The following KCNQ1OT1 variants were observed in gnomAD, a reference collection of about 807,000 sequenced individuals.
KCNQ1OT1 encodes the protein KCNQ1 opposite strand/antisense transcript 1, also known as KCNQ1 antisense RNA 2 (non-protein coding).
chr11:2,699,128 C>T (rs1209880776), exon 1 of KCNQ1OT1: 1 of 398,664 alleles, frequency 2.5e-6, no homozygotes, highest in Non-Finnish European at 4.4e-6. Flanking sequence ...ATGCGGATTC[C>T]AGACTCCAAT....
At chr11:2,650,589 A>G (rs1401860807) in exon 1 of KCNQ1OT1, 1 of 398,666 alleles carries the variant, frequency 2.5e-6, no homozygotes. Context: ...TGTGAAGGCA[A>G]GAAGGCTCCT....
In KCNQ1OT1 at chr11:2,682,475, CGAGTGAGTGAGT is replaced by C. The variant is rs3831584; in HGVS notation, n.17508_17519del. 13 of 393,984 alleles carry C rather than the reference CGAGTGAGTGAGT, an allele frequency of 3.3e-5. No homozygotes were observed. The highest frequency in any genetic ancestry group is 4.9e-5 in the Non-Finnish European group (11 of 224,528). 24.4% of individuals were successfully genotyped at this position (393,984 alleles called of 1,614,324 possible). On this transcript the variant is annotated non_coding_transcript_exon_variant, in exon 1 of 1. Transcript: ENST00000597346. The surrounding 1 kb of genome is among the most constrained non-coding windows in gnomAD (Gnocchi z 5.8). ...TCACGGACCCTCAGTGAATGTTTGA[CGAGTGAGTGAGT>C]GAGTGAGTGAGTGAGTGAGTACTTG... is the stretch of plus-strand genomic sequence containing the variant.
chr11:2,642,945 T>C lies in KCNQ1OT1; in HGVS notation n.57050A>G, dbSNP rs1849602905. 7.5e-6 allele frequency: 3 copies of C among 398,048 alleles called. No homozygotes were observed. The highest frequency in any genetic ancestry group is 7.2e-5 in the East Asian group (2 of 27,942). The allele number at this position is 398,048 out of a possible 1,614,324, so 24.7% of individuals were successfully genotyped here. ...CATTGGTCATTCAGGAACATGTTAA[T>C]TTCCATTTATTTATACAGTTTTGAA... On this transcript the variant is annotated non_coding_transcript_exon_variant, in exon 1 of 1. Transcript: ENST00000597346. The surrounding 1 kb of genome is among the most constrained non-coding windows in gnomAD (Gnocchi z 4.3).
chr11:2,641,236 A>G (rs2133829758), exon 1 of KCNQ1OT1: 1 of 398,440 alleles, frequency 2.5e-6, no homozygotes, highest in Non-Finnish European at 4.4e-6. Context: ...TTTTTCAGAA[A>G]TCAAACTGTT....
chr11:2,616,758 A>G (rs10766217), exon 1 of KCNQ1OT1: 219,217 of 397,842 alleles, frequency 0.55, 61,756 homozygotes, highest in East Asian at 0.75. Flanking sequence ...GATATTTTGT[A>G]TGATTTCTAT....
At chr11:2,686,304 C>T (rs1021567700) in exon 1 of KCNQ1OT1, 1 of 398,648 alleles carries the variant, frequency 2.5e-6, no homozygotes, top group African/African-American at 2.1e-5. Flanking sequence ...CCACAGACCA[C>T]ACTAGTGTCA....
chr11:2,628,693 T>C (rs1050603156), exon 1 of KCNQ1OT1: 12 of 398,308 alleles, frequency 3.0e-5, no homozygotes, highest in African/African-American at 2.5e-4. Context: ...TGATGTCACA[T>C]CTAAAAAATT....
exon 1 of KCNQ1OT1, chr11:2,638,366 C>T (rs1462908875): frequency 6.6e-6 from 1 of 152,100 alleles, no homozygotes; most frequent in African/African-American, 2.4e-5. Context: ...GTAGGGCAGG[C>T]CTGGTGGTTA....
exon 1 of KCNQ1OT1, chr11:2,648,530 C>T (rs1849702432): frequency 5.0e-6 from 2 of 398,358 alleles, no homozygotes; most frequent in Admixed American, 8.8e-5. Context: ...TTCATAGACA[C>T]AGTGGTCATT....
exon 1 of KCNQ1OT1, chr11:2,638,933 G>C (rs1849524546): frequency 6.6e-6 from 1 of 151,978 alleles, no homozygotes; most frequent in Non-Finnish European, 1.5e-5. Context: ...TTTTTTCTCT[G>C]AACTTCTCTT....
At chr11:2,619,729 A>C (rs1849132852) in exon 1 of KCNQ1OT1, 1 of 396,226 alleles carries the variant, frequency 2.5e-6, no homozygotes, top group Non-Finnish European at 4.4e-6. Context: ...TTTTTTTGGA[A>C]GTATTCCCTA....
exon 1 of KCNQ1OT1, chr11:2,692,741 C>A (rs529443506): frequency 5.0e-6 from 2 of 398,662 alleles, no homozygotes; most frequent in African/African-American, 4.1e-5. Flanking sequence ...CCTATCAAAT[C>A]CCTCCCTCTG....
At position 2,695,378 on chromosome 11, in the gene KCNQ1OT1, G is replaced by A. The variant is rs970627945; in HGVS notation, n.4617C>T. 2 of 398,370 alleles carry A rather than the reference G, an allele frequency of 5.0e-6. No homozygotes were observed. Among genetic ancestry groups the A allele is most frequent in the Non-Finnish European group, 8.8e-6 (2 of 226,064 alleles). 24.7% of individuals were successfully genotyped at this position (398,370 alleles called of 1,614,324 possible). A position where few individuals can be genotyped will look rare whatever the true frequency, so the allele number is the denominator to read the frequency against. ...AGCACTCCCTAGTACTGCGTGTCTG[G>A]GTGGTGTGTAATTTTAATTTAAATA... On this transcript the variant is annotated non_coding_transcript_exon_variant, in exon 1 of 1. Coordinates refer to ENST00000597346, the Ensembl canonical transcript of KCNQ1OT1. This position sits in a 1 kb window ranked among gnomAD's most constrained non-coding sequence, Gnocchi z 5.2.
At position 2,642,003 on chromosome 11, in the gene KCNQ1OT1, A is replaced by G. The variant is rs187059749; in HGVS notation, n.57992T>C. Reference sequence around the variant, plus strand: ...CATTGGTCTATCAGTTTTTATTCCAATACCATGCTGCTTTTAATGCTATAG... The same window carrying G: ...CATTGGTCTATCAGTTTTTATTCCAGTACCATGCTGCTTTTAATGCTATAG... On this transcript the variant is annotated non_coding_transcript_exon_variant, in exon 1 of 1. Transcript: ENST00000597346. This position sits in a 1 kb window ranked among gnomAD's most constrained non-coding sequence, Gnocchi z 4.3. 521 of 398,348 alleles carry G rather than the reference A, an allele frequency of 1.3e-3. 3 individuals are homozygous for G. The highest frequency in any genetic ancestry group is 2.2e-3 in the Admixed American group (49 of 22,726). 24.7% of individuals were successfully genotyped at this position (398,348 alleles called of 1,614,324 possible).
rs180765683 is a variant in KCNQ1OT1, at chr11:2,632,138, G to A, written n.67857C>T. On this transcript the variant is annotated non_coding_transcript_exon_variant, in exon 1 of 1. Coordinates refer to ENST00000597346, the Ensembl canonical transcript of KCNQ1OT1. ...GCAGAGCTTGCAGTGAGCCGAGATC[G>A]CGCCACTACACTCTAGCCTGGGCGA... 2,617 of 387,734 alleles carry A rather than the reference G, an allele frequency of 6.7e-3. 22 individuals carry two copies. The highest frequency in any genetic ancestry group is 0.016 in the Middle Eastern group (25 of 1,530). 24.0% of individuals were successfully genotyped at this position (387,734 alleles called of 1,614,324 possible).
At position 2,621,305 on chromosome 11, in the gene KCNQ1OT1, G is replaced by A. The variant is rs549080271; in HGVS notation, n.78690C>T. On this transcript the variant is annotated non_coding_transcript_exon_variant, in exon 1 of 1. Transcript: ENST00000597346. This position sits in a 1 kb window ranked among gnomAD's most constrained non-coding sequence, Gnocchi z 5.7. ...ATTATTTGCATTTCTGATTATTAGT[G>A]ATCATGAGAATGTTTTTTTGTTTGG... The A allele has an allele frequency of 2.5e-6, 1 of 398,416 alleles. No homozygotes were observed. Among genetic ancestry groups the A allele is most frequent in the African/African-American group, 2.1e-5 (1 of 48,708 alleles). 24.7% of individuals were successfully genotyped at this position (398,416 alleles called of 1,614,324 possible). A position where few individuals can be genotyped will look rare whatever the true frequency, so the allele number is the denominator to read the frequency against.
Position 2,653,140 on chromosome 11 carries a change from G to A in KCNQ1OT1, n.46855C>T. 1 of 398,744 alleles carries A rather than the reference G, an allele frequency of 2.5e-6. No individual in the cohort carries two copies. Among genetic ancestry groups the A allele is most frequent in the Non-Finnish European group, 4.4e-6 (1 of 226,120 alleles). 24.7% of individuals were successfully genotyped at this position (398,744 alleles called of 1,614,324 possible). A position where few individuals can be genotyped will look rare whatever the true frequency, so the allele number is the denominator to read the frequency against. The stretch of plus-strand genomic sequence containing the variant: ...GGAGATGAGGACTTGCATCACAGCA[G>A]TAGAAAGCCAATGTCCCACCTTAGG... On this transcript the variant is annotated non_coding_transcript_exon_variant, in exon 1 of 1. Transcript: ENST00000597346. The surrounding 1 kb of genome is among the most constrained non-coding windows in gnomAD (Gnocchi z 5.3).
At position 2,687,322 on chromosome 11, in the gene KCNQ1OT1, AG is replaced by A; in HGVS notation, n.12672del. 5.0e-6 allele frequency: 2 copies of A among 398,618 alleles called. No individual in the cohort carries two copies. Among genetic ancestry groups the A allele is most frequent in the East Asian group, 7.1e-5 (2 of 28,066 alleles). The allele number at this position is 398,618 out of a possible 1,614,324, so 24.7% of individuals were successfully genotyped here. On this transcript the variant is annotated non_coding_transcript_exon_variant, in exon 1 of 1. Transcript: ENST00000597346. This position sits in a 1 kb window ranked among gnomAD's most constrained non-coding sequence, Gnocchi z 5.0. ...CCCAGGCCTCTCAGGGCTCTGGCTG[AG>A]GGCTGTGAGCCAGAGGCTGAGGTAG...
At chr11:2,648,703 C>T (rs755761945) in exon 1 of KCNQ1OT1, 101 of 398,430 alleles carry the variant, frequency 2.5e-4, no homozygotes, top group Middle Eastern at 1.9e-3. Flanking sequence ...TATGGTATAT[C>T]CTGGAGAATG....
Sources: allele counts gnomAD v4.1 joint callset, GRCh38; gene constraint gnomAD v4.1.1; non-coding constraint Gnocchi (gnomAD v3.1); transcripts MANE v1.5; gene names NCBI Gene and HGNC (gene_info 2026-07-23, HGNC 2026-07-21).